FGF12: variants seen among roughly 807,000 people sequenced by gnomAD.
FGF12 encodes the protein fibroblast growth factor 12B.
FGF12 carries 14 observed loss-of-function variants against 23.6 expected under a neutral mutation model. The ratio of observed to expected loss-of-function variants is 0.59; its 90% CI spans 0.39 to 0.93. The LOEUF is 0.93. FGF12 is among the 40% of genes least tolerant of loss of function. The pLI, the probability that FGF12 is intolerant of heterozygous loss-of-function variation, is 0.00. For missense variants in FGF12, 175 were observed against 217.8 expected, an observed-to-expected ratio of 0.80 and a Z score of 1.24; for synonymous variants, 62 against 77.3, an observed-to-expected ratio of 0.80 and a Z score of 1.04.
intron 2 of FGF12, among the ~76,000 whole-genome samples, chr3:192,540,549 G>A (rs1206473387): frequency 4.6e-5 from 7 of 152,072 alleles, no homozygotes; most frequent in Admixed American, 4.6e-4. Flanking sequence ...GACTTGTTTT[G>A]TGACCTGACA....
intron 2 of FGF12, chr3:192,516,698 T>G (rs932501971): frequency 7.9e-5 from 12 of 152,238 alleles, no homozygotes; most frequent in African/African-American, 2.2e-4. Context: ...ATTCCAAGAT[T>G]CAAGAAGATA....
At chr3:192,321,771 T>A (rs1337622879) in intron 4 of FGF12, among the ~76,000 whole-genome samples, 2 of 152,120 alleles carry the variant, frequency 1.3e-5, no homozygotes, top group African/African-American at 4.8e-5. Flanking sequence ...TCAACATCCT[T>A]TCATGATCAA....
chr3:192,681,059 AT>A (rs1402352268), intron 2 of FGF12, among the ~76,000 whole-genome samples: 1 of 152,192 alleles, frequency 6.6e-6, no homozygotes, highest in Non-Finnish European at 1.5e-5. Context: ...ACTTGTAAAC[AT>A]TTTATTTATT....
intron 2 of FGF12, among the ~76,000 whole-genome samples, chr3:192,592,621 A>G (rs188489952): frequency 6.1e-4 from 93 of 152,016 alleles, no homozygotes; most frequent in African/African-American, 2.1e-3. Flanking sequence ...CCATCATAAT[A>G]TCATGCAGGA....
chr3:192,654,439 A>G (rs146853628), intron 2 of FGF12, among the ~76,000 whole-genome samples: 1,579 of 152,326 alleles, frequency 0.01, 12 homozygotes, highest in Non-Finnish European at 0.016. Context: ...AATAATCTCC[A>G]TATCAGCAAC....
At chr3:192,492,956 A>ATT (rs766838831) in intron 2 of FGF12, among the ~76,000 whole-genome samples, 1,395 of 121,568 alleles carry the variant, frequency 0.011, 19 homozygotes, top group African/African-American at 0.038. Flanking sequence ...AATTTTTGTA[A>ATT]TTTTTTTTTT....
At position 192,360,298 on chromosome 3, in the gene FGF12, T is replaced by C. The variant is rs936845757; in HGVS notation, c.124+130A>G. ...GCAAGAAGGATAAAGGAAAAGACAC[T>C]AGCTTACTAATAGTTAAATAGTTTG... On this transcript the variant is annotated intron_variant, in intron 3 of 5. Transcript: ENST00000445105. The surrounding 1 kb of genome is among the most constrained non-coding windows in gnomAD (Gnocchi z 4.3). 7.6e-6 allele frequency: 5 copies of C among 654,552 alleles called. No individual in the cohort carries two copies. Among genetic ancestry groups the C allele is most frequent in the Middle Eastern group, 3.1e-4 (1 of 3,186 alleles). 40.5% of individuals were successfully genotyped at this position (654,552 alleles called of 1,614,324 possible).
chr3:192,562,939 C>T (rs1373334089), intron 2 of FGF12, among the ~76,000 whole-genome samples: 2 of 152,110 alleles, frequency 1.3e-5, no homozygotes, highest in African/African-American at 4.8e-5. Flanking sequence ...ATACTGAAAC[C>T]AACACTGTTT....
chr3:192,550,005 T>C (rs1415409636), intron 2 of FGF12, among the ~76,000 whole-genome samples: 2 of 152,050 alleles, frequency 1.3e-5, no homozygotes. Flanking sequence ...ATAAATCTCC[T>C]CCCTCTGTCT....
chr3:192,254,515 A>G (rs751731903), intron 4 of FGF12, among the ~76,000 whole-genome samples: 8 of 152,020 alleles, frequency 5.3e-5, no homozygotes, highest in Non-Finnish European at 1.0e-4. Context: ...GACACACAAC[A>G]TAGGATATTT....
At chr3:192,460,675 C>CACATATTT (rs1310455063) in intron 2 of FGF12, among the ~76,000 whole-genome samples, 9 of 133,956 alleles carry the variant, frequency 6.7e-5, no homozygotes, top group African/African-American at 2.7e-4. Context: ...CACACACACA[C>CACATATTT]ATATATTTAT....
In FGF12 at chr3:192,305,675, A is replaced by T. The variant is rs1167461306; in HGVS notation, c.228+29686T>A. ...GAGAAAGGTGGCTTAGGAAAAAAAA[A>T]AAAAATATATATATATATATAAATA... On this transcript the variant is annotated intron_variant, in intron 4 of 5. Transcript: ENST00000445105. Among the ~76,000 whole-genome samples the T allele has an allele frequency of 6.5e-4, 75 of 114,630 alleles. No individual in the cohort carries two copies. In the East Asian group the frequency reaches 0.019, roughly 29 times the overall value. The allele number at this position is 114,630 out of a possible 152,430, so 75.2% of individuals were successfully genotyped here.
chr3:192,439,258 T>G (rs1576982532), intron 2 of FGF12, among the ~76,000 whole-genome samples: 1 of 152,346 alleles, frequency 6.6e-6, no homozygotes, highest in South Asian at 2.1e-4. Flanking sequence ...ACCTACATTC[T>G]GACACTATCA....
At position 192,711,368 on chromosome 3, in the gene FGF12, TG is replaced by T. The variant is rs1218831403; in HGVS notation, c.13+15812del. Among the ~76,000 whole-genome samples, 878 of 151,520 alleles carry T rather than the reference TG, an allele frequency of 5.8e-3. 6 individuals carry two copies. Among genetic ancestry groups the T allele is most frequent in the African/African-American group, 0.02 (845 of 41,288 alleles). The stretch of plus-strand genomic sequence containing the variant: ...CCCAGCCGCCGTCCCGTCCGGGAGG[TG>T]GGGGGCGCCTCTGCCCGGCCGCCCC... On this transcript the variant is annotated intron_variant, in intron 2 of 5. Coordinates refer to ENST00000445105, the MANE Select transcript of FGF12 (RefSeq NM_004113.6).
intron 2 of FGF12, among the ~76,000 whole-genome samples, chr3:192,426,014 C>T (rs1311805065): frequency 2.6e-5 from 4 of 152,138 alleles, no homozygotes; most frequent in African/African-American, 9.7e-5. Flanking sequence ...TTACTCTCAC[C>T]AAGTTTATAG....
At chr3:192,520,146 A>G (rs1724780579) in intron 2 of FGF12, among the ~76,000 whole-genome samples, 1 of 152,220 alleles carries the variant, frequency 6.6e-6, no homozygotes, top group Non-Finnish European at 1.5e-5. Context: ...TAGGAAATCT[A>G]TATACACATA....
intron 4 of FGF12, among the ~76,000 whole-genome samples, chr3:192,248,038 G>C (rs906572317): frequency 6.6e-5 from 10 of 152,116 alleles, no homozygotes; most frequent in African/African-American, 2.2e-4. Context: ...TCTAAAGGGG[G>C]AATAAATGGT....
chr3:192,441,430 C>A (rs1002377703), intron 2 of FGF12, among the ~76,000 whole-genome samples: 1 of 152,190 alleles, frequency 6.6e-6, no homozygotes, highest in Non-Finnish European at 1.5e-5. Flanking sequence ...GGGTCAGCCT[C>A]TTCTCCTTCT....
chr3:192,637,168 C>T (rs557446793), intron 2 of FGF12, among the ~76,000 whole-genome samples: 6 of 152,302 alleles, frequency 3.9e-5, no homozygotes, highest in African/African-American at 1.2e-4. Flanking sequence ...GCTGACAATG[C>T]TTTTGGCTGG....
Sources: gnomAD v4.1 joint callset for allele counts (sites outside exome capture counted in the v4.1 genomes callset) on GRCh38, gnomAD v4.1.1 for gene constraint, Gnocchi (gnomAD v3.1) non-coding constraint, MANE v1.5 for transcripts, NCBI Gene and HGNC (gene_info 2026-07-23, HGNC 2026-07-21) for gene names.